Variants in CCPG1 observed in about 807,000 individuals in gnomAD.
CCPG1 encodes the protein cell cycle progression 1, also known as cell cycle progression protein 1.
CCPG1 carries 46 observed loss-of-function variants against 81.3 expected under a neutral mutation model. That is an observed-to-expected ratio of 0.57 (90% CI 0.45 to 0.72). CCPG1 has a LOEUF of 0.72. Ranked by LOEUF, CCPG1 falls within the 30% of genes least tolerant of loss-of-function variation. The pLI, the probability that CCPG1 is intolerant of heterozygous loss-of-function variation, is 0.00. For synonymous variants in CCPG1, 330 were observed against 305.2 expected (o/e 1.08, Z -0.85); for missense variants, 902 against 937.6 (o/e 0.96, Z 0.50).
At chr15:55,399,987 T>C (rs899329261) in intron 1 of CCPG1, 1 of 151,388 alleles carries the variant, frequency 6.6e-6, no homozygotes, top group African/African-American at 2.4e-5. Flanking sequence ...CCCAGCACTT[T>C]GGGAGGATCA....
rs375047051 is a variant in CCPG1, at chr15:55,355,312, C to A, written c.*908G>T. ...AAATAAGCGCTTTCCTAATTTCAAG[C>A]AATTATAAAAGAACTGCTGTTTTCT... On this transcript the variant is annotated 3_prime_UTR_variant, in exon 9 of 9. Coordinates refer to ENST00000442196, the MANE Select transcript of CCPG1 (RefSeq NM_001204450.2). 1.2e-5 allele frequency: 19 copies of A among 1,609,060 alleles called. No homozygotes were observed. The highest frequency in any genetic ancestry group is 1.5e-5 in the Non-Finnish European group (18 of 1,177,154).
chr15:55,376,397 A>G (rs1432960042), intron 5 of CCPG1, among the ~76,000 whole-genome samples: 3 of 152,236 alleles, frequency 2.0e-5, no homozygotes, highest in Admixed American at 2.0e-4. Context: ...TGTGGCTTAC[A>G]CTAGTGACAT....
intron 6 of CCPG1, among the ~76,000 whole-genome samples, chr15:55,371,092 G>A (rs990953108): frequency 2.0e-5 from 3 of 152,088 alleles, no homozygotes; most frequent in African/African-American, 2.4e-5. Context: ...CAGCCTGGGC[G>A]ACAGAGTGGG....
rs1293276011 is a variant in CCPG1, at chr15:55,376,984, G to C, written c.419C>G (p.Ser140Cys). 4 of 1,613,556 alleles carry C rather than the reference G, an allele frequency of 2.5e-6. No homozygotes were observed. Among genetic ancestry groups the C allele is most frequent in the East Asian group, 4.5e-5 (2 of 44,854 alleles). ...SSEDFNMGSS[S>C]SSQYTFCQPE... ...CTGACAGAAAGTATACTGGCTGCTA[G>C]AGGAAGAGCCCATGTTAAAGTCTTC... The change falls in exon 5 of 9, where the codon TCT (serine) becomes TGT (cysteine). Residue 140 changes from serine to cysteine, a missense_variant. Transcript: ENST00000442196.
chr15:55,404,249 T>C (rs1404703669), intron 1 of CCPG1, among the ~76,000 whole-genome samples: 1 of 152,196 alleles, frequency 6.6e-6, no homozygotes, highest in Non-Finnish European at 1.5e-5. Context: ...CCAGTGTTTT[T>C]TGTAAAACAC....
intron 1 of CCPG1, among the ~76,000 whole-genome samples, chr15:55,403,831 AG>A (rs536868865): frequency 2.4e-4 from 37 of 152,214 alleles, no homozygotes; most frequent in Non-Finnish European, 4.6e-4. Flanking sequence ...CTGTTAGATG[AG>A]TCTGCATTTT....
At chr15:55,366,100 T>C (rs1289316905) in intron 6 of CCPG1, among the ~76,000 whole-genome samples, 2 of 152,308 alleles carry the variant, frequency 1.3e-5, no homozygotes, top group East Asian at 3.9e-4. Context: ...CACTATCTTT[T>C]GTATTAAAAC....
intron 5 of CCPG1, among the ~76,000 whole-genome samples, chr15:55,376,321 C>T (rs529110013): frequency 6.6e-6 from 1 of 152,268 alleles, no homozygotes; most frequent in African/African-American, 2.4e-5. Context: ...AGAAAGAAAT[C>T]AAGCAACTCA....
intron 1 of CCPG1, among the ~76,000 whole-genome samples, chr15:55,406,846 C>A (rs1023911037): frequency 2.6e-5 from 4 of 152,204 alleles, no homozygotes; most frequent in Non-Finnish European, 5.9e-5. Flanking sequence ...ATTTCCCACA[C>A]CTTTAAATTG....
intron 4 of CCPG1, 90 bp from the exon 5 acceptor site, chr15:55,377,240 G>T: frequency 1.2e-6 from 1 of 845,110 alleles, no homozygotes; most frequent in Non-Finnish European, 1.9e-6. Context: ...AAGTATTATA[G>T]TCATCTGAGT....
At chr15:55,394,866 G>A (rs1254557886) in intron 1 of CCPG1, among the ~76,000 whole-genome samples, 1 of 151,088 alleles carries the variant, frequency 6.6e-6, no homozygotes, top group African/African-American at 2.4e-5. Context: ...GAGCCTGCAT[G>A]ATTGCTTAAC....
At chr15:55,378,183 G>C in intron 4 of CCPG1, 117 bp downstream of exon 4, 1 of 583,766 alleles carries the variant, frequency 1.7e-6, no homozygotes. Context: ...TAACTTAGAA[G>C]TCAAAATTGC....
chr15:55,378,403 T>G (rs771326782), intron 3 of CCPG1, 27 bp from the exon 4 acceptor site: 2 of 1,456,332 alleles, frequency 1.4e-6, no homozygotes, highest in Non-Finnish European at 1.9e-6. Context: ...ATCAATATAA[T>G]TATTTCTTAA....
intron 8 of CCPG1, chr15:55,358,422 T>G (rs1272070615): frequency 1.2e-5 from 12 of 985,296 alleles, no homozygotes; most frequent in Non-Finnish European, 1.4e-5. Context: ...TCTTCAGAAG[T>G]TCTCCATGTC....
In CCPG1 at chr15:55,400,203, CAAAA is replaced by C. The variant is rs61331208; in HGVS notation, c.-10+8014_-10+8017del. On this transcript the variant is annotated intron_variant, in intron 1 of 8. Coordinates refer to ENST00000442196, the MANE Select transcript of CCPG1 (RefSeq NM_001204450.2). ...CCAGCCTGGACAAGATACTCTACCT[CAAAA>C]AAAAAAAAAAAAAAAAAAAAAGGCC... 6.8e-3 allele frequency among the ~76,000 whole-genome samples: 225 copies of C among 32,926 alleles called. 5 individuals are homozygous for C. Among genetic ancestry groups the C allele is most frequent in the Admixed American group, 0.062 (134 of 2,176 alleles). The allele number at this position is 32,926 out of a possible 152,430, so 21.6% of individuals were successfully genotyped here.
At chr15:55,356,738 T>C (rs1196581281) in intron 8 of CCPG1, 13 of 1,037,380 alleles carry the variant, frequency 1.3e-5, no homozygotes, top group Non-Finnish European at 1.3e-5. Flanking sequence ...CCCTCCCCGC[T>C]GGCTTTATCA....
chr15:55,368,524 T>A (rs1355592220), intron 6 of CCPG1, among the ~76,000 whole-genome samples: 1 of 152,204 alleles, frequency 6.6e-6, no homozygotes, highest in Non-Finnish European at 1.5e-5. Flanking sequence ...GGGTAGTCTA[T>A]CAATACTTAA....
rs2056171141 is a variant in CCPG1 at position 55,360,552 on chromosome 15, C to CT, written c.1220dup (p.Leu408ValfsTer13). 6.2e-7 allele frequency: 1 copy of CT among 1,614,114 alleles called. No homozygotes were observed. The highest frequency in any genetic ancestry group is 8.5e-7 in the Non-Finnish European group (1 of 1,180,028). Reference sequence around the variant, plus strand: ...TGGGAGAATCTGACTTGCCATGTAACTGACTACCACTTAACTGCTGGAGTT... The same window carrying CT: ...TGGGAGAATCTGACTTGCCATGTAACTTGACTACCACTTAACTGCTGGAGTT... On this transcript the variant is annotated frameshift_variant, in exon 8 of 9. Coordinates refer to ENST00000442196, the MANE Select transcript of CCPG1 (RefSeq NM_001204450.2). LOFTEE classifies it high-confidence loss of function.
At chr15:55,388,399 T>G (rs946951047) in intron 2 of CCPG1, among the ~76,000 whole-genome samples, 3 of 152,204 alleles carry the variant, frequency 2.0e-5, no homozygotes, top group Admixed American at 6.5e-5. Flanking sequence ...AAATTCATTT[T>G]GTGATAGGGT....
Sources: gnomAD v4.1 joint callset for allele counts (sites outside exome capture counted in the v4.1 genomes callset) on GRCh38, gnomAD v4.1.1 for gene constraint, MANE v1.5 for transcripts, NCBI Gene and HGNC (gene_info 2026-07-23, HGNC 2026-07-21) for gene names.